Variants in LDAH observed in about 807,000 individuals in gnomAD.
LDAH encodes the protein lipid droplet-associated hydrolase.
LDAH carries 26 observed loss-of-function variants against 29.6 expected under a neutral mutation model. The observed-to-expected ratio is 0.88, with a 90% CI of 0.64 to 1.22. The LOEUF (loss-of-function observed/expected upper bound fraction) is 1.22. Among genes scored for constraint, LDAH ranks in the 50% most tolerant of loss-of-function variants. LDAH has a pLI of 0.00. For synonymous variants in LDAH, 117 were observed against 133.0 expected (o/e 0.88, Z 0.83); for missense variants, 344 against 387.3 (o/e 0.89, Z 0.94).
intron 3 of LDAH, among the ~76,000 whole-genome samples, chr2:20,785,054 A>T (rs1483570650): frequency 6.6e-6 from 1 of 152,156 alleles, no homozygotes; most frequent in Non-Finnish European, 1.5e-5. Flanking sequence ...TACCCAACAT[A>T]CTGTTACTTT....
At chr2:20,811,584 A>C (rs1672499751) in intron 1 of LDAH, among the ~76,000 whole-genome samples, 1 of 151,570 alleles carries the variant, frequency 6.6e-6, no homozygotes. Flanking sequence ...CCCGGGGTTC[A>C]CGCCATTCTC....
chr2:20,722,711 T>C (rs1015423070), intron 5 of LDAH, among the ~76,000 whole-genome samples: 1 of 152,196 alleles, frequency 6.6e-6, no homozygotes, highest in African/African-American at 2.4e-5. Flanking sequence ...CTAAAATATG[T>C]ACAACTATTA....
chr2:20,788,621 A>T (rs1039131482), intron 3 of LDAH, among the ~76,000 whole-genome samples: 2 of 152,176 alleles, frequency 1.3e-5, no homozygotes, highest in African/African-American at 2.4e-5. Flanking sequence ...AATAAGCACA[A>T]AAAGATGCTC....
At chr2:20,791,811 G>A (rs926561358) in intron 2 of LDAH, among the ~76,000 whole-genome samples, 5 of 152,114 alleles carry the variant, frequency 3.3e-5, no homozygotes, top group African/African-American at 1.2e-4. Context: ...TTTTTTCCAA[G>A]TGACTGGCCA....
At chr2:20,689,624 T>C (rs1164433521) in intron 6 of LDAH, among the ~76,000 whole-genome samples, 2 of 152,206 alleles carry the variant, frequency 1.3e-5, no homozygotes, top group African/African-American at 2.4e-5. Context: ...TATCTACCAA[T>C]AGTGCTGATA....
intron 5 of LDAH, among the ~76,000 whole-genome samples, chr2:20,703,136 T>G (rs114892816): frequency 0.014 from 2,063 of 152,326 alleles, 50 homozygotes; most frequent in African/African-American, 0.047. Flanking sequence ...CCCAGATTAT[T>G]AATTTTTACA....
At chr2:20,820,060 A>G (rs1162604053) in intron 1 of LDAH, among the ~76,000 whole-genome samples, 1 of 151,828 alleles carries the variant, frequency 6.6e-6, no homozygotes, top group East Asian at 1.9e-4. Context: ...CTTACAAGGG[A>G]TGTGAAGGAC....
intron 5 of LDAH, among the ~76,000 whole-genome samples, chr2:20,717,284 A>T (rs1201645284): frequency 6.6e-6 from 1 of 152,194 alleles, no homozygotes; most frequent in Non-Finnish European, 1.5e-5. Context: ...CAGCAAAAAG[A>T]CCATATTAAG....
rs997176427 is a variant in LDAH, at chr2:20,685,438, C to A, written c.*1465G>T. On this transcript the variant is annotated 3_prime_UTR_variant, in exon 7 of 7. Coordinates refer to ENST00000237822, the MANE Select transcript of LDAH (RefSeq NM_021925.4). ...GGCCTATGTATCTATTAGCTCTTCC[C>A]CTTGGGCTAACAGCACTCCTTGTCT... 64 of 1,410,032 alleles carry A rather than the reference C, an allele frequency of 4.5e-5. No homozygotes were observed. Among genetic ancestry groups the A allele is most frequent in the Non-Finnish European group, 5.5e-5 (58 of 1,052,804 alleles). 87.3% of individuals were successfully genotyped at this position (1,410,032 alleles called of 1,614,324 possible).
intron 4 of LDAH, among the ~76,000 whole-genome samples, chr2:20,755,129 T>TG (rs1668247841): frequency 0.018 from 2,089 of 118,278 alleles, 51 homozygotes; most frequent in African/African-American, 0.061. Context: ...GTGTCTGTGT[T>TG]TGTGTGTGTG....
At chr2:20,815,451 G>A (rs1010486544) in intron 1 of LDAH, among the ~76,000 whole-genome samples, 9 of 151,666 alleles carry the variant, frequency 5.9e-5, no homozygotes, top group African/African-American at 1.7e-4. Flanking sequence ...AACCCTAAGT[G>A]GGAAAAAATA....
chr2:20,822,777 A>G (rs1673423985), intron 1 of LDAH, among the ~76,000 whole-genome samples: 1 of 152,180 alleles, frequency 6.6e-6, no homozygotes, highest in African/African-American at 2.4e-5. Flanking sequence ...CAGGTGGGCT[A>G]CACTTAGGGG....
Position 20,697,967 on chromosome 2 carries a change from A to T in LDAH, c.786+3603T>A, listed in dbSNP as rs569064621. ...ACATTATACTTATCATTACAAATTA[A>T]AAAAAAATTCTGACTGCTATTATAT... On this transcript the variant is annotated intron_variant, in intron 6 of 6. Coordinates refer to ENST00000237822, the MANE Select transcript of LDAH (RefSeq NM_021925.4). Among the ~76,000 whole-genome samples, 226 of 150,360 alleles carry T rather than the reference A, an allele frequency of 1.5e-3. 4 individuals are homozygous for T. In the South Asian group the frequency reaches 0.044, roughly 29 times the overall value.
intron 4 of LDAH, among the ~76,000 whole-genome samples, chr2:20,766,587 G>T (rs1669053421): frequency 6.6e-6 from 1 of 152,244 alleles, no homozygotes; most frequent in African/African-American, 2.4e-5. Context: ...CTGACATTGT[G>T]TTATTATAGC....
intron 5 of LDAH, among the ~76,000 whole-genome samples, chr2:20,704,662 G>A (rs1664181319): frequency 6.6e-6 from 1 of 152,168 alleles, no homozygotes; most frequent in African/African-American, 2.4e-5. Context: ...ATCTCTGGTT[G>A]ATGGAATCCC....
rs1315666185 is a variant in LDAH at position 20,698,420 on chromosome 2, T to C, written c.786+3150A>G. The stretch of plus-strand genomic sequence containing the variant: ...AAAATAACCTATAGGCCGGGCGCAG[T>C]GGCTCATGCCTGTAATCCCAGCACC... On this transcript the variant is annotated intron_variant, in intron 6 of 6. Coordinates refer to ENST00000237822, the MANE Select transcript of LDAH (RefSeq NM_021925.4). This position sits in a 1 kb window ranked among gnomAD's most constrained non-coding sequence, Gnocchi z 4.4. Among the ~76,000 whole-genome samples, 2 of 152,342 alleles carry C rather than the reference T, an allele frequency of 1.3e-5. No homozygotes were observed. The highest frequency in any genetic ancestry group is 3.9e-4 in the East Asian group (2 of 5,192).
intron 2 of LDAH, among the ~76,000 whole-genome samples, chr2:20,795,561 G>A (rs754062660): frequency 4.5e-4 from 68 of 152,132 alleles, no homozygotes; most frequent in Non-Finnish European, 4.1e-4. Flanking sequence ...CAAGGACAAT[G>A]TTACTTTACA....
intron 5 of LDAH, among the ~76,000 whole-genome samples, 164 bp downstream of exon 5, chr2:20,739,807 T>C (rs890473488): frequency 6.6e-6 from 1 of 152,168 alleles, no homozygotes; most frequent in African/African-American, 2.4e-5. Flanking sequence ...ATGAAAAAAT[T>C]CATTCTATTT....
At chr2:20,735,450 G>GT (rs914786124) in intron 5 of LDAH, among the ~76,000 whole-genome samples, 86 of 150,234 alleles carry the variant, frequency 5.7e-4, no homozygotes, top group Non-Finnish European at 8.1e-4. Flanking sequence ...TTTCCACTCA[G>GT]TTTTTTTTTA....
Sources: gnomAD v4.1 joint callset for allele counts (sites outside exome capture counted in the v4.1 genomes callset) on GRCh38, gnomAD v4.1.1 for gene constraint, Gnocchi (gnomAD v3.1) non-coding constraint, MANE v1.5 for transcripts, NCBI Gene and HGNC (gene_info 2026-07-23, HGNC 2026-07-21) for gene names.